The following TRIM46 variants were observed in gnomAD, a reference collection of about 807,000 sequenced individuals.
TRIM46 encodes tripartite motif containing 46.
A neutral mutation model predicts 69.7 loss-of-function variants in TRIM46; 17 were observed. The observed-to-expected ratio is 0.24, with a 90% confidence interval of 0.17 to 0.37. The LOEUF (loss-of-function observed/expected upper bound fraction) is 0.37, where lower values mean the gene tolerates loss of function less well. Among genes scored for constraint, TRIM46 ranks in the 10% least tolerant of loss-of-function variants. TRIM46 has a pLI of 1.00. For missense variants in TRIM46, 675 were observed against 1,025.1 expected (o/e 0.66, Z 4.66); for synonymous variants, 391 against 429.0 (o/e 0.91, Z 1.09).
In TRIM46 at chr1:155,181,764, C is replaced by T. The variant is rs1001577285; in HGVS notation, c.1589-88C>T. On this transcript the variant is annotated intron_variant, in intron 8 of 9. Transcript: ENST00000334634. The surrounding 1 kb of genome is among the most constrained non-coding windows in gnomAD (Gnocchi z 4.3). The stretch of plus-strand genomic sequence containing the variant: ...CTGGTGACTGAACCCCCTTGCAACG[C>T]GTTCCCTGTTCTGCAGTCTCACAGC... The T allele has an allele frequency of 1.4e-5, 21 of 1,449,444 alleles. 1 individual carries two copies. The highest frequency in any genetic ancestry group is 9.1e-5 in the South Asian group (7 of 76,964). 89.8% of individuals were successfully genotyped at this position (1,449,444 alleles called of 1,614,324 possible).
In TRIM46 at chr1:155,179,735, C is replaced by G; in HGVS notation, c.1389C>G (p.Thr463=). The G allele has an allele frequency of 1.2e-6, 2 of 1,613,420 alleles. No individual in the cohort carries two copies. The highest frequency in any genetic ancestry group is 1.7e-6 in the Non-Finnish European group (2 of 1,180,010). The change falls in exon 8 of 10, where the codon ACC becomes ACG. Residue 463 remains threonine, a synonymous_variant. Coordinates refer to ENST00000334634, the MANE Select transcript of TRIM46 (RefSeq NM_025058.5). Reference sequence around the variant, plus strand: ...ATTCACCACCTGCCTGGCACTATACCGTTGAGTTCCGGCGCACGGATGTGC... The same window carrying G: ...ATTCACCACCTGCCTGGCACTATACGGTTGAGTTCCGGCGCACGGATGTGC... The part of the protein sequence containing the change: ...PPHSPPAWHY[T]VEFRRTDVPA...
At chr1:155,174,696 G>A (rs1237359475) in intron 1 of TRIM46, 8 of 1,449,290 alleles carry the variant, frequency 5.5e-6, no homozygotes, top group Non-Finnish European at 7.2e-6. Context: ...CCACCAAGAG[G>A]GGGAGGGGAC....
chr1:155,179,533 C>T, intron 7 of TRIM46, 99 bp from the exon 8 acceptor site: 1 of 1,122,858 alleles, frequency 8.9e-7, no homozygotes. Context: ...CACACTCACC[C>T]CCCCGGCTCC....
chr1:155,179,872 G>A lies in TRIM46; in HGVS notation c.1526G>A (p.Cys509Tyr), dbSNP rs768234706. ...GSVYVLRVRGCNKAGYGEYSE... is the reference protein window; with the variant it reads ...GSVYVLRVRGYNKAGYGEYSE... ...GTGTATGTGCTGCGTGTCCGCGGCTGCAACAAGGCCGGCTACGGCGAATAC... is the reference window on the plus strand; with the variant it reads ...GTGTATGTGCTGCGTGTCCGCGGCTACAACAAGGCCGGCTACGGCGAATAC... Residue 509 changes from cysteine (C) to tyrosine (Y), a missense_variant, in exon 8 of 10, where the codon TGC (cysteine) becomes TAC (tyrosine). By Grantham distance (194) the Cys-to-Tyr change is radical. Coordinates refer to ENST00000334634, the MANE Select transcript of TRIM46 (RefSeq NM_025058.5). 7 of 1,609,384 alleles carry A rather than the reference G, an allele frequency of 4.3e-6. No individual in the cohort carries two copies. Among genetic ancestry groups the A allele is most frequent in the South Asian group, 3.3e-5 (3 of 90,846 alleles).
At chr1:155,174,893 CGGAGCTGCGGCA>C in intron 1 of TRIM46, 1 of 1,404,226 alleles carries the variant, frequency 7.1e-7, no homozygotes, top group South Asian at 1.6e-5. Flanking sequence ...GGCCGCAGGC[CGGAGCTGCGGCA>C]GGAGGACGTA....
In TRIM46 at chr1:155,184,346, C is replaced by A; in HGVS notation, c.*156C>A. The A allele has an allele frequency of 1.2e-6, 1 of 860,682 alleles. No homozygotes were observed. Among genetic ancestry groups the A allele is most frequent in the Non-Finnish European group, 1.7e-6 (1 of 577,464 alleles). 53.3% of individuals were successfully genotyped at this position (860,682 alleles called of 1,614,324 possible). On this transcript the variant is annotated 3_prime_UTR_variant, in exon 10 of 10. Transcript: ENST00000334634. This position sits in a 1 kb window ranked among gnomAD's most constrained non-coding sequence, Gnocchi z 5.6. ...CGTGTCTGTCTTCCCACAGTTTTCT[C>A]TTGACCCAGGGGCTCTCTTCTGCCC...
At position 155,182,245 on chromosome 1, in the gene TRIM46, G is replaced by T. The variant is rs562916550; in HGVS notation, c.1886+96G>T. ...GTGGAGCACAGACTTGCTAGGGTGG[G>T]GCTGGGAGGGGATTAGGAGGAAGTA... On this transcript the variant is annotated intron_variant, in intron 9 of 9. Coordinates refer to ENST00000334634, the MANE Select transcript of TRIM46 (RefSeq NM_025058.5). 11 of 1,312,550 alleles carry T rather than the reference G, an allele frequency of 8.4e-6. No homozygotes were observed. The African/African-American group carries it at 1.5e-4, about 18-fold the overall frequency. The allele number at this position is 1,312,550 out of a possible 1,614,324, so 81.3% of individuals were successfully genotyped here.
At chr1:155,174,121 C>G in intron 1 of TRIM46, 92 bp downstream of exon 1, 1 of 1,406,386 alleles carries the variant, frequency 7.1e-7, no homozygotes, top group African/African-American at 1.4e-5. Context: ...CAGGAAGATG[C>G]TGGGATGTAG....
At position 155,178,265 on chromosome 1, in the gene TRIM46, G is replaced by A. The variant is rs529199443; in HGVS notation, c.1163+10G>A. The A allele has an allele frequency of 8.9e-5, 142 of 1,588,968 alleles. No homozygotes were observed. Among genetic ancestry groups the A allele is most frequent in the Admixed American group, 1.4e-4 (8 of 58,478 alleles). On this transcript the variant is annotated intron_variant, in intron 6 of 9. Coordinates refer to ENST00000334634, the MANE Select transcript of TRIM46 (RefSeq NM_025058.5). ...AGCAGCTGCACAACAGGTACTCAGG[G>A]GCATGGGCTCCTAGGGGGGCAGGGA...
chr1:155,174,010 A>G lies in TRIM46; in HGVS notation c.44A>G (p.Asp15Gly), dbSNP rs1347334756. 2.5e-6 allele frequency: 4 copies of G among 1,569,218 alleles called. No homozygotes were observed. The East Asian group carries it at 9.5e-5, about 37-fold the overall frequency. The stretch of plus-strand genomic sequence containing the variant: ...ATGCAGACCTTCACTTCCATCATGG[A>G]CGCACTGGTCCGCATCAGTGTGAGT... ...EDMQTFTSIM[D>G]ALVRISTSMK... The change falls in exon 1 of 10, where the codon GAC becomes GGC. Residue 15 changes from aspartate (D) to glycine (G), a missense_variant. Coordinates refer to ENST00000334634, the MANE Select transcript of TRIM46 (RefSeq NM_025058.5).
At chr1:155,180,235 G>A (rs903689117) in intron 8 of TRIM46, among the ~76,000 whole-genome samples, 1 of 152,232 alleles carries the variant, frequency 6.6e-6, no homozygotes, top group African/African-American at 2.4e-5. Flanking sequence ...GGGAGGCCAA[G>A]GAGGGAGGAT....
intron 9 of TRIM46, chr1:155,182,520 C>A (rs758226421): frequency 5.7e-5 from 22 of 385,260 alleles, no homozygotes; most frequent in Non-Finnish European, 9.7e-5. Flanking sequence ...CCTTTGCTCT[C>A]CAAGACCTCC....
At position 155,178,154 on chromosome 1, in the gene TRIM46, G is replaced by A. The variant is rs764539359; in HGVS notation, c.1062G>A (p.Arg354=). The change falls in exon 6 of 10, where the codon CGG becomes CGA. Residue 354 remains arginine (R), a synonymous_variant. Transcript: ENST00000334634. ...ARLSAQIQEH[R]SLLDGSGLVG... ...TCAGCGCCCAGATCCAGGAGCACCG[G>A]AGCCTGCTGGATGGCTCAGGTCTGG... 1 of 1,614,180 alleles carries A rather than the reference G, an allele frequency of 6.2e-7. No homozygotes were observed. The highest frequency in any genetic ancestry group is 1.7e-5 in the Admixed American group (1 of 60,030).
chr1:155,183,189 C>A (rs1320606554), intron 9 of TRIM46, among the ~76,000 whole-genome samples: 2 of 151,890 alleles, frequency 1.3e-5, no homozygotes, highest in Admixed American at 1.3e-4. Flanking sequence ...GGATTACAGG[C>A]GTGAGCCACT....
At chr1:155,178,739 T>TTGGGCGCCCCCCCCC in intron 7 of TRIM46, 126 bp downstream of exon 7, 1 of 1,348,474 alleles carries the variant, frequency 7.4e-7, no homozygotes, top group African/African-American at 1.5e-5. Context: ...CAGCCATTCC[T>TTGGGCGCCCCCCCCC]CCCACCCAGC....
intron 9 of TRIM46, 134 bp downstream of exon 9, chr1:155,182,283 A>G (rs1008331306): frequency 5.5e-6 from 6 of 1,084,812 alleles, no homozygotes; most frequent in African/African-American, 3.2e-5. Context: ...AGGAGCCTGG[A>G]AGCCAGGCTG....
At position 155,178,211 on chromosome 1, in the gene TRIM46, A is replaced by C; in HGVS notation, c.1119A>C (p.Thr373=). ...ATGCCCAGGAAGTACTTAAGGAAAC[A>C]GACCAGCCTTGCTTTGTGCAAGCCG... The part of the protein sequence containing the change: ...VGYAQEVLKE[T]DQPCFVQAAK... Residue 373 remains threonine, a synonymous_variant, in exon 6 of 10, where the codon ACA becomes ACC. Coordinates refer to ENST00000334634, the MANE Select transcript of TRIM46 (RefSeq NM_025058.5). The C allele has an allele frequency of 6.2e-7, 1 of 1,611,904 alleles. No homozygotes were observed.
rs998026637 is a variant in TRIM46 at position 155,179,807 on chromosome 1, G to A, written c.1461G>A (p.Arg487=). The change falls in exon 8 of 10, where the codon AGG becomes AGA. Residue 487 remains arginine, a synonymous_variant. Transcript: ENST00000334634. Reference sequence around the variant, plus strand: ...GCTGGCAGCGGCGGGAGGAGGTGAGGGGCACCAGTGCCCTGCTTGAGAACC... The same window carrying A: ...GCTGGCAGCGGCGGGAGGAGGTGAGAGGCACCAGTGCCCTGCTTGAGAACC... ...PTRWQRREEV[R]GTSALLENPD... is the part of the protein sequence containing the mutation. 4.3e-6 allele frequency: 7 copies of A among 1,612,656 alleles called. No homozygotes were observed. Among genetic ancestry groups the A allele is most frequent in the Middle Eastern group, 1.6e-4 (1 of 6,084 alleles).
chr1:155,180,223 T>G (rs577564100), intron 8 of TRIM46, among the ~76,000 whole-genome samples: 8 of 152,270 alleles, frequency 5.3e-5, no homozygotes, highest in Middle Eastern at 3.4e-3. Context: ...TCCTAGCACT[T>G]TGGGAGGCCA....
Sources: allele counts gnomAD v4.1 joint callset (sites outside exome capture counted in the v4.1 genomes callset), GRCh38; gene constraint gnomAD v4.1.1; non-coding constraint Gnocchi (gnomAD v3.1); transcripts MANE v1.5; gene names NCBI Gene and HGNC (gene_info 2026-07-23, HGNC 2026-07-21).